MOGAT1: variants seen among roughly 807,000 people sequenced by gnomAD.
The protein encoded by MOGAT1 is 2-acylglycerol O-acyltransferase 1.
In MOGAT1, 32 loss-of-function variants were observed where a neutral mutation model predicts 31.4. The observed-to-expected ratio is 1.02, with a 90% confidence interval of 0.77 to 1.37. The LOEUF (loss-of-function observed/expected upper bound fraction) is 1.37, where lower values mean the gene tolerates loss of function less well. Ranked by LOEUF, MOGAT1 falls within the 40% of genes most tolerant of loss-of-function variation. The probability of loss-of-function intolerance (pLI) is 0.00; values close to 1 mark genes in which losing one functional copy is unlikely to be tolerated. For synonymous variants in MOGAT1, 145 were observed against 144.5 expected, an observed-to-expected ratio of 1.00 and a Z score of -0.03; for missense variants, 426 against 402.0, an observed-to-expected ratio of 1.06 and a Z score of -0.51.
chr2:222,672,824 C>G (rs866718596), intron 1 of MOGAT1, among the ~76,000 whole-genome samples: 1 of 151,634 alleles, frequency 6.6e-6, no homozygotes, highest in Non-Finnish European at 1.5e-5. Flanking sequence ...AACCCTGGCT[C>G]TAGATGAGAA....
chr2:222,676,639 G>T (rs928463191), intron 1 of MOGAT1, among the ~76,000 whole-genome samples: 3 of 152,136 alleles, frequency 2.0e-5, no homozygotes, highest in African/African-American at 7.2e-5. Context: ...ACAGTTGCAG[G>T]TTTAACTTTT....
At chr2:222,672,889 T>TTTATCA (rs1553560984) in intron 1 of MOGAT1, among the ~76,000 whole-genome samples, 19 of 139,220 alleles carry the variant, frequency 1.4e-4, no homozygotes, top group Middle Eastern at 7.4e-3. Flanking sequence ...CTGGAATTTG[T>TTTATCA]TTATTATTAT....
chr2:222,695,436 T>C (rs1692824959), intron 5 of MOGAT1, 148 bp downstream of exon 5: 2 of 554,834 alleles, frequency 3.6e-6, no homozygotes, highest in Non-Finnish European at 6.3e-6. Context: ...TTGTTTCTGG[T>C]ATTCCTTTTA....
At chr2:222,695,583 C>T (rs1413183972) in intron 5 of MOGAT1, among the ~76,000 whole-genome samples, 1 of 152,106 alleles carries the variant, frequency 6.6e-6, no homozygotes, top group African/African-American at 2.4e-5. Context: ...TCTGTGCCAG[C>T]CAATTATAGC....
chr2:222,694,381 G>A lies in MOGAT1; in HGVS notation c.498G>A (p.Lys166=). ...ACTAAGGGCTGGTTTCAGTTTCCAA[G>A]AAAAGTGTGTCCTACATGGTAAGCA... The part of the protein sequence containing the change: ...VMSVGLVSVS[K]KSVSYMVSKE... Residue 166 remains lysine, a synonymous_variant, in exon 4 of 6, where the codon AAG becomes AAA. Coordinates refer to ENST00000446656, the MANE Select transcript of MOGAT1 (RefSeq NM_058165.3). The A allele has an allele frequency of 6.2e-7, 1 of 1,608,516 alleles. No individual in the cohort carries two copies. Among genetic ancestry groups the A allele is most frequent in the South Asian group, 1.1e-5 (1 of 89,594 alleles).
At chr2:222,704,673 C>T (rs1330230363) in intron 5 of MOGAT1, among the ~76,000 whole-genome samples, 1 of 151,780 alleles carries the variant, frequency 6.6e-6, no homozygotes, top group Non-Finnish European at 1.5e-5. Context: ...CACTATGGAA[C>T]AATTCCAAGT....
intron 1 of MOGAT1, chr2:222,677,822 C>A (rs539552970): frequency 6.0e-5 from 16 of 266,202 alleles, no homozygotes; most frequent in African/African-American, 3.7e-4. Context: ...TTTGCTAATG[C>A]CTTCTGGGTA....
chr2:222,704,452 G>T (rs577507348), intron 5 of MOGAT1, among the ~76,000 whole-genome samples: 54 of 151,932 alleles, frequency 3.6e-4, no homozygotes, highest in African/African-American at 1.2e-3. Flanking sequence ...GTGAAACCCC[G>T]TCTCTACTAA....
chr2:222,682,227 G>A (rs1302621483), intron 1 of MOGAT1, among the ~76,000 whole-genome samples: 1 of 152,002 alleles, frequency 6.6e-6, no homozygotes, highest in Non-Finnish European at 1.5e-5. Context: ...TCTAAATACT[G>A]TAGCATGTAT....
At chr2:222,674,031 G>A (rs1453318472) in intron 1 of MOGAT1, among the ~76,000 whole-genome samples, 1 of 152,218 alleles carries the variant, frequency 6.6e-6, no homozygotes, top group Non-Finnish European at 1.5e-5. Context: ...CCTGGTGAGG[G>A]AGGACTACCC....
chr2:222,690,947 T>C (rs2106038090), intron 3 of MOGAT1, among the ~76,000 whole-genome samples: 1 of 152,326 alleles, frequency 6.6e-6, no homozygotes, highest in Non-Finnish European at 1.5e-5. Context: ...CAGAAACATA[T>C]TTAAAGTGTA....
intron 5 of MOGAT1, among the ~76,000 whole-genome samples, chr2:222,704,603 G>A (rs933391421): frequency 1.3e-5 from 2 of 151,124 alleles, no homozygotes; most frequent in Non-Finnish European, 2.9e-5. Flanking sequence ...CAGCCTGGGC[G>A]ACAAAGCGAG....
At chr2:222,690,647 A>G (rs1462332233) in intron 3 of MOGAT1, among the ~76,000 whole-genome samples, 1 of 152,218 alleles carries the variant, frequency 6.6e-6, no homozygotes. Context: ...CTGTCATTAT[A>G]TACCTGGTAG....
chr2:222,694,561 G>A (rs1408867246), intron 4 of MOGAT1, 25 bp downstream of exon 4: 1 of 1,604,858 alleles, frequency 6.2e-7, no homozygotes, highest in Admixed American at 1.7e-5. Context: ...GTATAAAGTA[G>A]GGGGTCAGAA....
At chr2:222,706,199 G>A (rs767952684) in intron 5 of MOGAT1, among the ~76,000 whole-genome samples, 2 of 152,200 alleles carry the variant, frequency 1.3e-5, no homozygotes, top group Non-Finnish European at 1.5e-5. Context: ...TAGGCTGGGC[G>A]TGGTGGCTCA....
At chr2:222,681,105 G>A (rs1692573749) in intron 1 of MOGAT1, among the ~76,000 whole-genome samples, 1 of 152,146 alleles carries the variant, frequency 6.6e-6, no homozygotes, top group Admixed American at 6.5e-5. Flanking sequence ...TCAATTCATG[G>A]AAACTGAAAA....
At chr2:222,695,359 A>T in intron 5 of MOGAT1, 71 bp downstream of exon 5, 2 of 1,021,736 alleles carry the variant, frequency 2.0e-6, no homozygotes, top group South Asian at 3.7e-5. Flanking sequence ...TTGAGGTGCT[A>T]ATGCAAGGGA....
At position 222,693,706 on chromosome 2, in the gene MOGAT1, C is replaced by T. The variant is rs535938781; in HGVS notation, c.479-656C>T. ...ATCTCATGGGACTTATTCACTATCACGAGAACAGCATGAGAAAGACCTGCC... is the reference window on the plus strand; with the variant it reads ...ATCTCATGGGACTTATTCACTATCATGAGAACAGCATGAGAAAGACCTGCC... On this transcript the variant is annotated intron_variant, in intron 3 of 5. Coordinates refer to ENST00000446656, the MANE Select transcript of MOGAT1 (RefSeq NM_058165.3). Among the ~76,000 whole-genome samples the T allele has an allele frequency of 3.9e-5, 6 of 152,100 alleles. No homozygotes were observed. The South Asian group carries it at 6.3e-4, about 16-fold the overall frequency.
At chr2:222,675,524 G>T (rs1386274114) in intron 1 of MOGAT1, among the ~76,000 whole-genome samples, 1 of 143,670 alleles carries the variant, frequency 7.0e-6, no homozygotes, top group Non-Finnish European at 1.5e-5. Flanking sequence ...CTGTCGCCCA[G>T]GCTGGAGTGC....
Sources: allele counts gnomAD v4.1 joint callset (sites outside exome capture counted in the v4.1 genomes callset), GRCh38; gene constraint gnomAD v4.1.1; transcripts MANE v1.5; gene names NCBI Gene and HGNC (gene_info 2026-07-23, HGNC 2026-07-21).